NEDD4L: variants seen among roughly 807,000 people sequenced by gnomAD.
NEDD4L encodes the protein NEDD4 like E3 ubiquitin protein ligase.
A neutral mutation model predicts 148.9 loss-of-function variants in NEDD4L; 54 were observed. The observed-to-expected ratio is 0.36, with a 90% CI of 0.29 to 0.45. The LOEUF (loss-of-function observed/expected upper bound fraction) is 0.45. Ranked by LOEUF, NEDD4L falls within the 20% of genes least tolerant of loss-of-function variation. NEDD4L has a pLI of 1.00. For synonymous variants in NEDD4L, 433 were observed against 440.7 expected (o/e 0.98, Z 0.22); for missense variants, 856 against 1,233.8 (o/e 0.69, Z 4.59).
In NEDD4L at chr18:58,387,435, TCAG is replaced by T; in HGVS notation, c.2488-3_2488-1del. The T allele has an allele frequency of 6.5e-7, 1 of 1,539,434 alleles. No individual in the cohort carries two copies. Among genetic ancestry groups the T allele is most frequent in the Non-Finnish European group, 8.7e-7 (1 of 1,149,412 alleles). Reference sequence around the variant, plus strand: ...GTTTAAGATGTTTTTTTTTTTTCTTTCAGGGATTCACAGAACTACTTCCTATTG... The same window carrying T: ...GTTTAAGATGTTTTTTTTTTTTCTTTGGATTCACAGAACTACTTCCTATTG... On this transcript the variant is annotated splice_acceptor_variant and splice_polypyrimidine_tract_variant and intron_variant, in intron 26 of 30. Coordinates refer to ENST00000400345, the MANE Select transcript of NEDD4L (RefSeq NM_001144967.3). LOFTEE classifies it high-confidence loss of function.
intron 2 of NEDD4L, among the ~76,000 whole-genome samples, chr18:58,185,391 A>G (rs1568348208): frequency 6.6e-6 from 1 of 152,136 alleles, no homozygotes; most frequent in Non-Finnish European, 1.5e-5. Context: ...CATTTCATCA[A>G]CCCCAAACTG....
Position 58,052,264 on chromosome 18 carries a change from A to G in NEDD4L, c.48+7556A>G, listed in dbSNP as rs550491947. On this transcript the variant is annotated intron_variant, in intron 1 of 30. Transcript: ENST00000400345. Reference sequence around the variant, plus strand: ...GATGCAAGACCGTGGCTGAAGTTGTAGCAGGGCGTTTGGTGGTTGGCGATG... The same window carrying G: ...GATGCAAGACCGTGGCTGAAGTTGTGGCAGGGCGTTTGGTGGTTGGCGATG... Among the ~76,000 whole-genome samples the G allele has an allele frequency of 1.2e-4, 18 of 152,326 alleles. No individual in the cohort carries two copies. In the East Asian group the frequency reaches 3.3e-3, roughly 28 times the overall value.
chr18:58,231,195 A>AT (rs1191426605), intron 2 of NEDD4L, among the ~76,000 whole-genome samples: 1 of 143,726 alleles, frequency 7.0e-6, no homozygotes, highest in African/African-American at 2.6e-5. Context: ...GGCTGCAGAG[A>AT]TTGTGCCACT....
At chr18:58,196,042 C>T (rs2040650600) in intron 2 of NEDD4L, among the ~76,000 whole-genome samples, 1 of 152,150 alleles carries the variant, frequency 6.6e-6, no homozygotes, top group Non-Finnish European at 1.5e-5. Context: ...GTGCCTCTCC[C>T]CCCTTTTATG....
chr18:58,323,187 G>A (rs1408451081), intron 7 of NEDD4L, 45 bp from the exon 8 acceptor site: 2 of 1,148,338 alleles, frequency 1.7e-6, no homozygotes, highest in Admixed American at 3.9e-5. Context: ...AGTGTCCTTT[G>A]AAGTCACAAC....
rs766561024 is a variant in NEDD4L at position 58,108,394 on chromosome 18, A to G, written c.49-57394A>G. On this transcript the variant is annotated intron_variant, in intron 1 of 30. Transcript: ENST00000400345. ...AAATTAAACTTCTTAAGTATACCTT[A>G]ATTTTATACTGTTATTATTTTATTT... Among the ~76,000 whole-genome samples, 7 of 152,256 alleles carry G rather than the reference A, an allele frequency of 4.6e-5. No individual in the cohort carries two copies. In the South Asian group the frequency reaches 6.2e-4, roughly 14 times the overall value.
At chr18:58,188,757 G>A (rs1485401663) in intron 2 of NEDD4L, among the ~76,000 whole-genome samples, 1 of 152,372 alleles carries the variant, frequency 6.6e-6, no homozygotes, top group East Asian at 1.9e-4. Flanking sequence ...ATTAATGCCT[G>A]CATTATGGAG....
In NEDD4L at chr18:58,345,477, A is replaced by G. The variant is rs188285523; in HGVS notation, c.1575+2374A>G. ...AGCATAGCTATTCTTAGATTTGAGC[A>G]TTAGAATAGAAAAAGGAAAAAAACT... On this transcript the variant is annotated intron_variant, in intron 16 of 30. Transcript: ENST00000400345. Among the ~76,000 whole-genome samples, 509 of 152,348 alleles carry G rather than the reference A, an allele frequency of 3.3e-3. 1 individual carries two copies. The highest frequency in any genetic ancestry group is 5.8e-3 in the Admixed American group (89 of 15,314).
chr18:58,144,904 T>C, intron 1 of NEDD4L, among the ~76,000 whole-genome samples: 1 of 152,114 alleles, frequency 6.6e-6, no homozygotes, highest in East Asian at 1.9e-4. Context: ...GTGCATGTGG[T>C]ACCAGTCAGG....
In NEDD4L at chr18:58,206,466, G is replaced by A. The variant is rs535919632; in HGVS notation, c.123-38961G>A. ...TAGCTTGGTTCAGCCCAGCAACATC[G>A]GTTTGAAGATTATATCAAGTTTTCC... On this transcript the variant is annotated intron_variant, in intron 2 of 30. Transcript: ENST00000400345. 9.9e-5 allele frequency among the ~76,000 whole-genome samples: 15 copies of A among 152,218 alleles called. No individual in the cohort carries two copies. In the South Asian group the frequency reaches 2.9e-3, roughly 30 times the overall value.
chr18:58,111,344 A>G (rs764371943), intron 1 of NEDD4L, among the ~76,000 whole-genome samples: 10 of 152,204 alleles, frequency 6.6e-5, no homozygotes, highest in Non-Finnish European at 1.3e-4. Context: ...CTGGGATTAC[A>G]GGTGTGAGCC....
intron 5 of NEDD4L, among the ~76,000 whole-genome samples, chr18:58,289,152 A>G (rs1224989453): frequency 3.9e-5 from 6 of 152,244 alleles, no homozygotes; most frequent in Admixed American, 3.9e-4. Context: ...GAATGTTTTC[A>G]CAAGTAAATT....
chr18:58,184,821 G>C (rs1049738565), intron 2 of NEDD4L, among the ~76,000 whole-genome samples: 4 of 152,068 alleles, frequency 2.6e-5, no homozygotes, highest in Non-Finnish European at 5.9e-5. Context: ...CCAGCTACTT[G>C]GGAGGCTGAA....
At chr18:58,166,165 C>T (rs1599284039) in intron 2 of NEDD4L, among the ~76,000 whole-genome samples, 1 of 152,322 alleles carries the variant, frequency 6.6e-6, no homozygotes. Flanking sequence ...GGGACTATGG[C>T]TCTGCTTATT....
At chr18:58,141,195 T>G (rs927510498) in intron 1 of NEDD4L, among the ~76,000 whole-genome samples, 1 of 152,218 alleles carries the variant, frequency 6.6e-6, no homozygotes, top group Non-Finnish European at 1.5e-5. Context: ...AGCTCCCTCC[T>G]TACTGGTGTT....
chr18:58,109,086 A>C (rs2085253840), intron 1 of NEDD4L, among the ~76,000 whole-genome samples: 1 of 152,232 alleles, frequency 6.6e-6, no homozygotes, highest in Non-Finnish European at 1.5e-5. Context: ...ATAGCAAGAA[A>C]ATTTGGATCA....
intron 1 of NEDD4L, among the ~76,000 whole-genome samples, chr18:58,084,709 G>GTGTGTT (rs1568193833): frequency 1.3e-5 from 2 of 150,866 alleles, no homozygotes; most frequent in East Asian, 3.9e-4. Context: ...GTGTGTGTGT[G>GTGTGTT]TTTGAGACAG....
chr18:58,051,325 G>C (rs1054941465), intron 1 of NEDD4L, among the ~76,000 whole-genome samples: 8 of 152,294 alleles, frequency 5.3e-5, no homozygotes, highest in Middle Eastern at 3.4e-3. Context: ...AAGTCATTGA[G>C]TTTTGTACCC....
At chr18:58,235,952 G>A (rs1337186277) in intron 2 of NEDD4L, among the ~76,000 whole-genome samples, 1 of 152,170 alleles carries the variant, frequency 6.6e-6, no homozygotes, top group Non-Finnish European at 1.5e-5. Context: ...AGAATCGCTT[G>A]AACCTGGGAG....
Sources: allele counts gnomAD v4.1 joint callset (sites outside exome capture counted in the v4.1 genomes callset), GRCh38; gene constraint gnomAD v4.1.1; transcripts MANE v1.5; gene names NCBI Gene and HGNC (gene_info 2026-07-23, HGNC 2026-07-21).